KIF24: variants seen among roughly 807,000 people sequenced by gnomAD.
KIF24 encodes the protein kinesin-like protein KIF24.
Under a neutral mutation model 118.9 loss-of-function variants are expected in KIF24, and 81 were observed. The observed-to-expected ratio is 0.68, with a 90% CI of 0.57 to 0.82. KIF24 has a LOEUF of 0.82. KIF24 is among the 40% of genes least tolerant of loss of function. The probability of loss-of-function intolerance (pLI) is 0.00; values close to 1 mark genes in which losing one functional copy is unlikely to be tolerated. For synonymous variants in KIF24, 599 were observed against 610.0 expected (o/e 0.98, Z 0.27); for missense variants, 1,560 against 1,661.6 (o/e 0.94, Z 1.06).
intron 1 of KIF24, among the ~76,000 whole-genome samples, chr9:34,317,745 G>C (rs1320036989): frequency 1.3e-5 from 2 of 152,154 alleles, no homozygotes; most frequent in African/African-American, 4.8e-5. Context: ...TTGTGTTCAT[G>C]TAACCTTATT....
chr9:34,263,872 C>T (rs1361069235), intron 8 of KIF24, among the ~76,000 whole-genome samples: 2 of 151,600 alleles, frequency 1.3e-5, no homozygotes, highest in East Asian at 3.9e-4. Context: ...TTTGACCACA[C>T]ACAATTAAAA....
At chr9:34,289,308 C>G (rs1005246508) in intron 5 of KIF24, among the ~76,000 whole-genome samples, 4 of 152,196 alleles carry the variant, frequency 2.6e-5, no homozygotes, top group Admixed American at 6.5e-5. Flanking sequence ...CCCCCACTCC[C>G]CATTCCATTG....
intron 4 of KIF24, among the ~76,000 whole-genome samples, chr9:34,295,512 A>G (rs1288554984): frequency 6.6e-6 from 1 of 152,014 alleles, no homozygotes; most frequent in East Asian, 1.9e-4. Flanking sequence ...CCCCATCTCT[A>G]AAAAAATACA....
intron 4 of KIF24, among the ~76,000 whole-genome samples, chr9:34,291,331 C>T (rs1836246356): frequency 6.6e-6 from 1 of 152,132 alleles, no homozygotes; most frequent in Admixed American, 6.6e-5. Context: ...AGCAGGCACA[C>T]CAAATCTTGA....
chr9:34,305,434 G>A (rs1431771561), intron 3 of KIF24, among the ~76,000 whole-genome samples: 1 of 152,044 alleles, frequency 6.6e-6, no homozygotes, highest in Non-Finnish European at 1.5e-5. Context: ...TGTCGGTCCT[G>A]TTGCCCAAAA....
chr9:34,279,303 A>T (rs1054125309), intron 6 of KIF24, among the ~76,000 whole-genome samples: 21 of 152,344 alleles, frequency 1.4e-4, no homozygotes, highest in African/African-American at 5.0e-4. Context: ...GGATGTGCTT[A>T]AGGATACATG....
In KIF24 at chr9:34,311,201, T is replaced by C; in HGVS notation, c.146A>G (p.Asn49Ser). The C allele has an allele frequency of 1.2e-6, 2 of 1,613,514 alleles. No individual in the cohort carries two copies. The highest frequency in any genetic ancestry group is 1.6e-4 in the Middle Eastern group (1 of 6,062). The change falls in exon 2 of 13, where the codon AAC (asparagine) becomes AGC (serine). Residue 49 changes from asparagine (N) to serine (S), a missense_variant. Physicochemically the swap from Asn to Ser is conservative, Grantham distance 46 (BLOSUM62 1). Transcript: ENST00000402558. ...DYSKLGVHDM[N>S]DRKRLFQLIK... ...AAGTTGGAAGAGACGTTTGCGGTCG[T>C]TCATGTCATGGACTCCTAATTTGGA...
At chr9:34,333,349 A>C (rs548182059), upstream of KIF24, among the ~76,000 whole-genome samples, 1 of 152,294 alleles carries the variant, frequency 6.6e-6, no homozygotes, top group Non-Finnish European at 1.5e-5. Context: ...ATTTGGGGCC[A>C]GGCACAGTAG....
intron 9 of KIF24, among the ~76,000 whole-genome samples, chr9:34,260,626 T>C (rs1374325451): frequency 6.6e-6 from 1 of 152,178 alleles, no homozygotes; most frequent in African/African-American, 2.4e-5. Flanking sequence ...AATTCTTATG[T>C]TTTAATTAAA....
chr9:34,310,410 A>C (rs1272332123), intron 2 of KIF24, among the ~76,000 whole-genome samples: 1 of 152,154 alleles, frequency 6.6e-6, no homozygotes, highest in African/African-American at 2.4e-5. Context: ...TTTCACTTTC[A>C]CAGATGTACT....
chr9:34,278,738 T>A (rs1057161175), intron 6 of KIF24, among the ~76,000 whole-genome samples: 2 of 152,140 alleles, frequency 1.3e-5, no homozygotes, highest in Admixed American at 1.3e-4. Context: ...CTAACTAAAC[T>A]CTGTTGGGCA....
chr9:34,275,295 G>A (rs1835618474), intron 6 of KIF24, among the ~76,000 whole-genome samples: 1 of 152,164 alleles, frequency 6.6e-6, no homozygotes, highest in Non-Finnish European at 1.5e-5. Context: ...TCAGGAGGCT[G>A]AGGCATGAGA....
upstream of KIF24, among the ~76,000 whole-genome samples, chr9:34,330,464 A>C (rs190061610): frequency 1.6e-4 from 25 of 152,350 alleles, no homozygotes; most frequent in African/African-American, 6.0e-4. Flanking sequence ...GTAAAACGCT[A>C]TTATAGAGTT....
chr9:34,311,356 T>C lies in KIF24; in HGVS notation c.-10A>G, dbSNP rs148920555. 36 of 1,537,248 alleles carry C rather than the reference T, an allele frequency of 2.3e-5. No individual in the cohort carries two copies. Among genetic ancestry groups the C allele is most frequent in the African/African-American group, 1.8e-4 (13 of 72,436 alleles). On this transcript the variant is annotated 5_prime_UTR_variant, in exon 2 of 13. Transcript: ENST00000402558. ...ATAACCAGGATGCCATTTTGGTGAA[T>C]AGGTTTCTATAAACTCTGAAGAGAG...
At chr9:34,270,611 G>GT (rs34058450) in intron 7 of KIF24, among the ~76,000 whole-genome samples, 69,264 of 146,852 alleles carry the variant, frequency 0.47, 19,184 homozygotes, top group South Asian at 0.64. Flanking sequence ...ACCTAGCTAT[G>GT]TTTTTTTTTA....
intron 7 of KIF24, among the ~76,000 whole-genome samples, chr9:34,270,853 A>G (rs1056527408): frequency 2.7e-5 from 4 of 149,512 alleles, no homozygotes; most frequent in African/African-American, 9.8e-5. Flanking sequence ...TGGGCAAAAC[A>G]GAGAGACCCC....
intron 4 of KIF24, among the ~76,000 whole-genome samples, chr9:34,290,841 C>T (rs1454381714): frequency 6.6e-6 from 1 of 152,134 alleles, no homozygotes; most frequent in South Asian, 2.1e-4. Context: ...CTCAAATGAT[C>T]TGCCCACCTC....
intron 3 of KIF24, among the ~76,000 whole-genome samples, chr9:34,302,801 A>G (rs1364452584): frequency 1.5e-5 from 2 of 130,274 alleles, no homozygotes; most frequent in South Asian, 4.8e-4. Context: ...TCTGAGACGG[A>G]GTCTCCCTCT....
chr9:34,262,665 AAAAAAAAAAAATATATATATATAT>A (rs1835112653), intron 9 of KIF24, among the ~76,000 whole-genome samples: 2 of 41,422 alleles, frequency 4.8e-5, no homozygotes, highest in Non-Finnish European at 9.4e-5. Context: ...AAAAAAAAAA[AAAAAAAAAAAATATATATATATAT>A]ATATATATAT....
Sources: gnomAD v4.1 joint callset for allele counts (sites outside exome capture counted in the v4.1 genomes callset) on GRCh38, gnomAD v4.1.1 for gene constraint, MANE v1.5 for transcripts, NCBI Gene and HGNC (gene_info 2026-07-23, HGNC 2026-07-21) for gene names.